The following BBX variants were observed in gnomAD, a reference collection of about 807,000 sequenced individuals.
The protein encoded by BBX is HMG box transcription factor BBX.
A neutral mutation model predicts 100.2 loss-of-function variants in BBX; 30 were observed. The observed-to-expected ratio is 0.30, with a 90% CI of 0.22 to 0.41. BBX has a LOEUF of 0.41. Among genes scored for constraint, BBX ranks in the 10% least tolerant of loss-of-function variants. The pLI, the probability that BBX is intolerant of heterozygous loss-of-function variation, is 1.00. For synonymous variants in BBX, 376 were observed against 388.1 expected, an observed-to-expected ratio of 0.97 and a Z score of 0.37; for missense variants, 1,023 against 1,129.8, an observed-to-expected ratio of 0.91 and a Z score of 1.35.
chr3:107,801,347 G>A, intron 17 of BBX, 66 bp downstream of exon 17: 1 of 1,537,758 alleles, frequency 6.5e-7, no homozygotes, highest in Non-Finnish European at 8.8e-7. Context: ...GATGTGATTT[G>A]TGACATTTTT....
Position 107,634,038 on chromosome 3 carries a change from T to C in BBX, c.-83-11798T>C, listed in dbSNP as rs188682889. ...GTTGGCTCATATTACAATATGTCACTTCACATGCTTTTCAGTTAAGGTAGG... is the reference window on the plus strand; with the variant it reads ...GTTGGCTCATATTACAATATGTCACCTCACATGCTTTTCAGTTAAGGTAGG... On this transcript the variant is annotated intron_variant, in intron 2 of 17. Coordinates refer to ENST00000325805, the MANE Select transcript of BBX (RefSeq NM_001142568.3). Among the ~76,000 whole-genome samples the C allele has an allele frequency of 1.2e-3, 189 of 152,342 alleles. 1 individual carries two copies. Among genetic ancestry groups the C allele is most frequent in the African/African-American group, 4.4e-3 (185 of 41,580 alleles).
intron 3 of BBX, among the ~76,000 whole-genome samples, chr3:107,685,240 A>G (rs1386614379): frequency 6.6e-6 from 1 of 152,178 alleles, no homozygotes; most frequent in Non-Finnish European, 1.5e-5. Context: ...CCATGAGAGT[A>G]GACACTGATT....
At chr3:107,550,751 T>C (rs1007557406) in intron 2 of BBX, among the ~76,000 whole-genome samples, 10 of 152,076 alleles carry the variant, frequency 6.6e-5, no homozygotes, top group African/African-American at 2.4e-4. Flanking sequence ...CTGGTGACAT[T>C]GGAGCAGGGT....
At chr3:107,594,235 T>C (rs984777871) in intron 2 of BBX, among the ~76,000 whole-genome samples, 7 of 152,228 alleles carry the variant, frequency 4.6e-5, no homozygotes, top group African/African-American at 7.2e-5. Context: ...GTCTAGTAGC[T>C]GATATTTTTT....
intron 7 of BBX, among the ~76,000 whole-genome samples, chr3:107,737,894 T>TG (rs1277941150): frequency 5.9e-4 from 78 of 131,384 alleles, no homozygotes; most frequent in Admixed American, 2.0e-3. Flanking sequence ...GTTTTTTTTT[T>TG]TTTTTTTTTT....
intron 3 of BBX, among the ~76,000 whole-genome samples, chr3:107,687,168 G>A (rs985161562): frequency 3.3e-5 from 5 of 152,040 alleles, no homozygotes; most frequent in African/African-American, 9.7e-5. Flanking sequence ...AAACAACTTA[G>A]TGACGGCTTA....
Position 107,526,403 on chromosome 3 carries a change from G to T in BBX, c.-84+5G>T. 2.5e-6 allele frequency: 1 copy of T among 398,590 alleles called. No homozygotes were observed. Among genetic ancestry groups the T allele is most frequent in the East Asian group, 3.6e-5 (1 of 28,074 alleles). 24.7% of individuals were successfully genotyped at this position (398,590 alleles called of 1,614,324 possible). On this transcript the variant is annotated splice_donor_5th_base_variant and intron_variant, in intron 2 of 17. Coordinates refer to ENST00000325805, the MANE Select transcript of BBX (RefSeq NM_001142568.3). The stretch of plus-strand genomic sequence containing the variant: ...ACTTTCCATTTGCCTTCCTGGGTAA[G>T]TATGCAAACTGTTCGTACAGGGAAG...
chr3:107,611,613 C>T (rs889717955), intron 2 of BBX, among the ~76,000 whole-genome samples: 4 of 152,182 alleles, frequency 2.6e-5, no homozygotes, highest in Non-Finnish European at 4.4e-5. Context: ...CATATTGGAG[C>T]TCCATTGCAG....
chr3:107,651,715 G>A (rs1559920274), intron 3 of BBX, among the ~76,000 whole-genome samples: 1 of 152,012 alleles, frequency 6.6e-6, no homozygotes, highest in African/African-American at 2.4e-5. Flanking sequence ...ACAGAAGTCA[G>A]GGAGTCCTAA....
At chr3:107,781,386 A>G (rs902639363) in intron 13 of BBX, among the ~76,000 whole-genome samples, 2 of 152,132 alleles carry the variant, frequency 1.3e-5, no homozygotes, top group African/African-American at 4.8e-5. Context: ...ACAGAGCATG[A>G]TGACAGGAAT....
intron 4 of BBX, among the ~76,000 whole-genome samples, chr3:107,715,072 C>T (rs1372488846): frequency 6.6e-6 from 1 of 152,186 alleles, no homozygotes; most frequent in Admixed American, 6.5e-5. Flanking sequence ...GCATGAGCCA[C>T]CCGCCTGGCC....
At chr3:107,739,373 A>C (rs912450900) in intron 7 of BBX, among the ~76,000 whole-genome samples, 1 of 152,188 alleles carries the variant, frequency 6.6e-6, no homozygotes, top group Non-Finnish European at 1.5e-5. Context: ...TGAAAAGGAA[A>C]TGGGCTCTCT....
At position 107,667,570 on chromosome 3, in the gene BBX, C is replaced by T. The variant is rs142362766; in HGVS notation, c.-10+21661C>T. 5.1e-3 allele frequency among the ~76,000 whole-genome samples: 770 copies of T among 151,744 alleles called. 3 individuals carry two copies. Among genetic ancestry groups the T allele is most frequent in the Non-Finnish European group, 8.2e-3 (555 of 67,852 alleles). Reference sequence around the variant, plus strand: ...AAATATGTGATACAAAATTTTCTTTCTGATGATGCTAGGAAATGCATTTAT... The same window carrying T: ...AAATATGTGATACAAAATTTTCTTTTTGATGATGCTAGGAAATGCATTTAT... On this transcript the variant is annotated intron_variant, in intron 3 of 17. Transcript: ENST00000325805.
At chr3:107,733,501 A>AC (rs1417953949) in intron 7 of BBX, among the ~76,000 whole-genome samples, 13 of 151,016 alleles carry the variant, frequency 8.6e-5, no homozygotes, top group African/African-American at 1.2e-4. Context: ...CTTCTTTCCC[A>AC]CCCCCCCTTG....
At chr3:107,755,005 A>G (rs2107669676) in intron 9 of BBX, among the ~76,000 whole-genome samples, 1 of 152,356 alleles carries the variant, frequency 6.6e-6, no homozygotes, top group East Asian at 1.9e-4. Context: ...ACTGCAACAC[A>G]GCATAGGCCA....
intron 7 of BBX, among the ~76,000 whole-genome samples, chr3:107,743,621 T>A (rs563244310): frequency 1.3e-5 from 2 of 152,334 alleles, no homozygotes; most frequent in East Asian, 3.9e-4. Flanking sequence ...CCTCAATGTC[T>A]TAAGAGGGTC....
chr3:107,568,265 A>AT (rs36099700), intron 2 of BBX, among the ~76,000 whole-genome samples: 67,075 of 131,426 alleles, frequency 0.51, 17,712 homozygotes, highest in Middle Eastern at 0.56. Flanking sequence ...ATTTTCTGCT[A>AT]TTTTTTTTTT....
intron 3 of BBX, among the ~76,000 whole-genome samples, chr3:107,688,226 G>T (rs550795372): frequency 2.0e-5 from 3 of 152,258 alleles, no homozygotes; most frequent in Non-Finnish European, 4.4e-5. Flanking sequence ...CAATCCTGAG[G>T]TTCCAGGAAT....
intron 2 of BBX, among the ~76,000 whole-genome samples, chr3:107,594,133 G>A (rs670752): frequency 0.34 from 51,370 of 151,982 alleles, 9,792 homozygotes; most frequent in East Asian, 0.88. Context: ...CCAGGTATTT[G>A]CTATTTTTCT....
Sources: gnomAD v4.1 joint callset for allele counts (sites outside exome capture counted in the v4.1 genomes callset) on GRCh38, gnomAD v4.1.1 for gene constraint, MANE v1.5 for transcripts, NCBI Gene and HGNC (gene_info 2026-07-23, HGNC 2026-07-21) for gene names.